The following ZNF585B variants were observed in gnomAD, a reference collection of about 807,000 sequenced individuals.
The protein encoded by ZNF585B is zinc finger protein 41-like protein.
A neutral mutation model predicts 14.0 loss-of-function variants in ZNF585B; 7 were observed. The ratio of observed to expected loss-of-function variants is 0.50; its 90% CI spans 0.28 to 0.94. The LOEUF (loss-of-function observed/expected upper bound fraction) is 0.94. ZNF585B is among the 40% of genes least tolerant of loss of function. The pLI, the probability that ZNF585B is intolerant of heterozygous loss-of-function variation, is 0.09. For missense variants in ZNF585B, 750 were observed against 924.4 expected, an observed-to-expected ratio of 0.81 and a Z score of 2.45; for synonymous variants, 290 against 317.3, an observed-to-expected ratio of 0.91 and a Z score of 0.91.
At chr19:37,206,480 A>T (rs1170840274) in intron 2 of ZNF585B, among the ~76,000 whole-genome samples, 1 of 152,104 alleles carries the variant, frequency 6.6e-6, no homozygotes, top group Non-Finnish European at 1.5e-5. Flanking sequence ...TTTAGGAAAC[A>T]AACTAGAGTT....
intron 2 of ZNF585B, among the ~76,000 whole-genome samples, chr19:37,195,345 C>CAAAAAAAAAAAAAAAAAAAAAAAA (rs71177429): frequency 7.0e-5 from 1 of 14,282 alleles, no homozygotes; most frequent in African/African-American, 2.3e-4. Flanking sequence ...GACTCTGACT[C>CAAAAAAAAAAAAAAAAAAAAAAAA]AAAAAAAAAA....
intron 2 of ZNF585B, among the ~76,000 whole-genome samples, chr19:37,196,807 C>A (rs563288463): frequency 1.2e-3 from 177 of 152,180 alleles, no homozygotes; most frequent in African/African-American, 4.2e-3. Flanking sequence ...ATATACCATA[C>A]AAAATACATG....
intron 4 of ZNF585B, among the ~76,000 whole-genome samples, chr19:37,187,623 A>AAGTC (rs1245965593): frequency 6.6e-6 from 1 of 152,136 alleles, no homozygotes; most frequent in Non-Finnish European, 1.5e-5. Context: ...TTGTGGAAAG[A>AAGTC]AGTCTTTTTT....
chr19:37,186,888 T>C lies in ZNF585B; in HGVS notation c.649A>G (p.Ser217Gly), dbSNP rs761957504. 6.2e-7 allele frequency: 1 copy of C among 1,613,992 alleles called. No individual in the cohort carries two copies. The highest frequency in any genetic ancestry group is 8.5e-7 in the Non-Finnish European group (1 of 1,179,960). ...TAAGGGAAACCTTTCCCACATTCAC[T>C]ACATTCATATAGTTTTTCTCCGGTA... ...IHTGEKLYEC[S>G]ECGKGFPYNS... The change falls in exon 5 of 5, where the codon AGT (serine) becomes GGT (glycine). Residue 217 changes from serine (S) to glycine (G), a missense_variant. This residue lies in a region of ZNF585B where 517 missense variants were observed against 570.3 expected (regional missense o/e 0.91). Transcript: ENST00000532828.
chr19:37,190,237 T>C (rs992176275), intron 2 of ZNF585B, 87 bp from the exon 3 acceptor site: 42 of 1,554,600 alleles, frequency 2.7e-5, no homozygotes, highest in Non-Finnish European at 3.6e-5. Flanking sequence ...ATGGGTTTTG[T>C]TGTTTTTAAT....
At chr19:37,200,575 A>G (rs111492139) in intron 2 of ZNF585B, among the ~76,000 whole-genome samples, 2,344 of 150,896 alleles carry the variant, frequency 0.016, 55 homozygotes, top group East Asian at 0.05. Flanking sequence ...AAAAAGCACA[A>G]AAGGTGGCAA....
At chr19:37,206,116 C>T (rs1206485694) in intron 2 of ZNF585B, among the ~76,000 whole-genome samples, 2 of 150,878 alleles carry the variant, frequency 1.3e-5, no homozygotes, top group Non-Finnish European at 2.9e-5. Flanking sequence ...TAAAAAATAA[C>T]ATTACATCCA....
chr19:37,201,123 C>T (rs1972527145), intron 2 of ZNF585B, among the ~76,000 whole-genome samples: 3 of 151,646 alleles, frequency 2.0e-5, no homozygotes, highest in Admixed American at 1.3e-4. Context: ...TTTCCACTGC[C>T]ATACAGAAGA....
rs1033978101 is a variant in ZNF585B, at chr19:37,184,646, C to T, written c.*581G>A. 3.2e-5 allele frequency: 6 copies of T among 185,288 alleles called. No homozygotes were observed. The highest frequency in any genetic ancestry group is 1.3e-4 in the East Asian group (1 of 7,588). 11.5% of individuals were successfully genotyped at this position (185,288 alleles called of 1,614,324 possible). Reference sequence around the variant, plus strand: ...TCTATGACAATGGGGACTCAACATACGCTCTGAGGTCTGTGTCTGAATACA... The same window carrying T: ...TCTATGACAATGGGGACTCAACATATGCTCTGAGGTCTGTGTCTGAATACA... On this transcript the variant is annotated 3_prime_UTR_variant, in exon 5 of 5. Transcript: ENST00000532828.
At position 37,187,078 on chromosome 19, in the gene ZNF585B, T is replaced by C. The variant is rs1227787232; in HGVS notation, c.459A>G (p.Thr153=). 6.2e-7 allele frequency: 1 copy of C among 1,613,930 alleles called. No individual in the cohort carries two copies. The highest frequency in any genetic ancestry group is 8.5e-7 in the Non-Finnish European group (1 of 1,180,006). ...SQFKVHLKVP[T]GEKLYVCIEC... ...CAATACATACATAGAGTTTTTCTCCTGTAGGAACTTTCAGATGTACCTTGA... is the reference window on the plus strand; with the variant it reads ...CAATACATACATAGAGTTTTTCTCCCGTAGGAACTTTCAGATGTACCTTGA... The change falls in exon 5 of 5, where the codon ACA becomes ACG. Residue 153 remains threonine, a synonymous_variant. Coordinates refer to ENST00000532828, the MANE Select transcript of ZNF585B (RefSeq NM_152279.4).
chr19:37,201,819 G>A (rs941159824), intron 2 of ZNF585B, among the ~76,000 whole-genome samples: 2 of 152,032 alleles, frequency 1.3e-5, no homozygotes, highest in South Asian at 4.1e-4. Context: ...ATTGCATAAG[G>A]TAAATTACTT....
At chr19:37,204,827 A>G (rs1351853942) in intron 2 of ZNF585B, among the ~76,000 whole-genome samples, 6 of 151,712 alleles carry the variant, frequency 4.0e-5, no homozygotes, top group Non-Finnish European at 7.4e-5. Flanking sequence ...GCTCCCTGCA[A>G]CCTCTGCCTC....
At position 37,203,163 on chromosome 19, in the gene ZNF585B, G is replaced by A. The variant is rs112994862; in HGVS notation, c.72+3877C>T. Among the ~76,000 whole-genome samples the A allele has an allele frequency of 3.5e-3, 525 of 151,372 alleles. 3 individuals are homozygous for A. The highest frequency in any genetic ancestry group is 0.012 in the African/African-American group (503 of 41,212). ...CTTTGCTTTTCTTTTTTTAGTCCTC[G>A]TTCTTTTTTGTATTTTTTGACTCAT... On this transcript the variant is annotated intron_variant, in intron 2 of 4. Transcript: ENST00000532828.
intron 2 of ZNF585B, among the ~76,000 whole-genome samples, chr19:37,196,644 C>T (rs932946938): frequency 6.6e-6 from 1 of 152,136 alleles, no homozygotes; most frequent in African/African-American, 2.4e-5. Flanking sequence ...CTTCCTCAGC[C>T]TCCTTAACCT....
Position 37,207,033 on chromosome 19 carries a change from T to A in ZNF585B, c.72+7A>T. ...AAATTCCACCCCTTGGGACTCCTCC[T>A]CCTCACCTCATAGGAGCTGCCATGA... On this transcript the variant is annotated splice_region_variant and intron_variant, in intron 2 of 4. Coordinates refer to ENST00000532828, the MANE Select transcript of ZNF585B (RefSeq NM_152279.4). 2 of 1,613,730 alleles carry A rather than the reference T, an allele frequency of 1.2e-6. No individual in the cohort carries two copies. Among genetic ancestry groups the A allele is most frequent in the Non-Finnish European group, 1.7e-6 (2 of 1,180,006 alleles).
intron 2 of ZNF585B, among the ~76,000 whole-genome samples, chr19:37,193,396 G>C (rs1599764840): frequency 6.7e-6 from 1 of 150,034 alleles, no homozygotes; most frequent in South Asian, 2.1e-4. Flanking sequence ...GCGTGAACCC[G>C]GGAGGCAGAG....
Position 37,199,921 on chromosome 19 carries a change from T to C in ZNF585B, c.72+7119A>G, listed in dbSNP as rs185852109. Among the ~76,000 whole-genome samples the C allele has an allele frequency of 6.9e-3, 1,056 of 151,966 alleles. 5 individuals carry two copies. The highest frequency in any genetic ancestry group is 8.7e-3 in the Non-Finnish European group (594 of 67,942). On this transcript the variant is annotated intron_variant, in intron 2 of 4. Coordinates refer to ENST00000532828, the MANE Select transcript of ZNF585B (RefSeq NM_152279.4). ...AGCTGGGCATGGTGGCACATGCCTGTAATCCCAGCTACTAGGGAGTCTGAG... is the reference window on the plus strand; with the variant it reads ...AGCTGGGCATGGTGGCACATGCCTGCAATCCCAGCTACTAGGGAGTCTGAG...
chr19:37,191,803 G>T (rs1033026628), intron 2 of ZNF585B, among the ~76,000 whole-genome samples: 1 of 152,116 alleles, frequency 6.6e-6, no homozygotes. Flanking sequence ...GGACGCCGAG[G>T]TAGGTGGATC....
intron 4 of ZNF585B, among the ~76,000 whole-genome samples, chr19:37,189,135 G>T (rs1430691258): frequency 6.6e-6 from 1 of 151,838 alleles, no homozygotes; most frequent in African/African-American, 2.4e-5. Flanking sequence ...ATGGGGTTTT[G>T]CCATGTTGTC....
Sources: allele counts gnomAD v4.1 joint callset (sites outside exome capture counted in the v4.1 genomes callset), GRCh38; gene constraint gnomAD v4.1.1; regional missense constraint gnomAD v4.1.1; transcripts MANE v1.5; gene names NCBI Gene and HGNC (gene_info 2026-07-23, HGNC 2026-07-21).